Variants in NUP93 observed in about 807,000 individuals in gnomAD.
NUP93 encodes the protein nucleoporin 93.
NUP93 carries 55 observed loss-of-function variants against 107.8 expected under a neutral mutation model. The ratio of observed to expected loss-of-function variants is 0.51; its 90% CI spans 0.41 to 0.64. The LOEUF is 0.64. NUP93 is among the 30% of genes least tolerant of loss of function. The pLI, the probability that NUP93 is intolerant of heterozygous loss-of-function variation, is 0.00. For missense variants in NUP93, 937 were observed against 1,044.7 expected (o/e 0.90, Z 1.42); for synonymous variants, 390 against 397.5 (o/e 0.98, Z 0.22).
chr16:56,753,279 A>C (rs1961957091), intron 2 of NUP93, among the ~76,000 whole-genome samples: 1 of 152,226 alleles, frequency 6.6e-6, no homozygotes, highest in Admixed American at 6.5e-5. Flanking sequence ...TATTTCAGAT[A>C]GAGATAACCA....
intron 2 of NUP93, among the ~76,000 whole-genome samples, chr16:56,752,249 A>G (rs1961935247): frequency 6.6e-6 from 1 of 152,232 alleles, no homozygotes; most frequent in African/African-American, 2.4e-5. Flanking sequence ...TCCCAAGGAT[A>G]TACTGGTAAA....
intron 2 of NUP93, among the ~76,000 whole-genome samples, chr16:56,752,316 T>C (rs188365874): frequency 6.6e-6 from 1 of 152,208 alleles, no homozygotes; most frequent in African/African-American, 2.4e-5. Flanking sequence ...TTATTTGTAA[T>C]AGCAAAAATT....
intron 12 of NUP93, 31 bp from the exon 13 acceptor site, chr16:56,833,184 G>A (rs746573330): frequency 6.4e-7 from 1 of 1,566,418 alleles, no homozygotes; most frequent in Non-Finnish European, 8.6e-7. Context: ...TTCTAAGTTG[G>A]TTTTATCTCC....
chr16:56,805,452 GT>G (rs1397454655), intron 4 of NUP93, 51 bp from the exon 5 acceptor site: 10 of 1,602,668 alleles, frequency 6.2e-6, no homozygotes, highest in South Asian at 1.1e-5. Context: ...CTTAAACCAT[GT>G]TTTTTTTGTT....
chr16:56,754,061 AACTT>A (rs1362839547), intron 2 of NUP93, among the ~76,000 whole-genome samples: 1 of 152,064 alleles, frequency 6.6e-6, no homozygotes, highest in Non-Finnish European at 1.5e-5. Flanking sequence ...GGTCTTAGGA[AACTT>A]ACAATCATGG....
chr16:56,758,631 G>C lies in NUP93; in HGVS notation c.273G>C (p.Glu91Asp). 6.2e-7 allele frequency: 1 copy of C among 1,613,744 alleles called. No individual in the cohort carries two copies. The change falls in exon 3 of 22, where the codon GAG (glutamate) becomes GAC (aspartate). Residue 91 changes from glutamate (E) to aspartate (D), a missense_variant. Coordinates refer to ENST00000308159, the MANE Select transcript of NUP93 (RefSeq NM_014669.5). ...LSAATTFEPL[E>D]PVKDTDIQGF... ...CAGCCACCACCTTTGAGCCTCTTGA[G>C]CCTGTGAAGGACACTGACATTCAGG...
rs764833831 is a variant in NUP93 at position 56,830,623 on chromosome 16, C to G, written c.1023C>G (p.Ala341=). Residue 341 remains alanine (A), a synonymous_variant, in exon 10 of 22, where the codon GCC becomes GCG. Transcript: ENST00000308159. ...CCGCTTCACAGGTAGTTAATCGAGC[C>G]CAGCACCAGCTGGGAGAGTTTAAAA... The part of the protein sequence containing the change: ...LLAASQVVNR[A]QHQLGEFKTW... 1 of 1,610,006 alleles carries G rather than the reference C, an allele frequency of 6.2e-7. No individual in the cohort carries two copies. Among genetic ancestry groups the G allele is most frequent in the Admixed American group, 1.7e-5 (1 of 59,946 alleles).
intron 1 of NUP93, among the ~76,000 whole-genome samples, chr16:56,738,812 C>T (rs1411853735): frequency 6.6e-6 from 1 of 152,038 alleles, no homozygotes; most frequent in African/African-American, 2.4e-5. Context: ...AGGTTTTTCT[C>T]ATCAATCTTG....
At chr16:56,801,693 A>G (rs1963024663) in intron 4 of NUP93, among the ~76,000 whole-genome samples, 1 of 152,308 alleles carries the variant, frequency 6.6e-6, no homozygotes, top group East Asian at 1.9e-4. Flanking sequence ...GAAGCTCTTT[A>G]TCACACTAAT....
At chr16:56,774,305 G>T (rs1484911791) in intron 3 of NUP93, among the ~76,000 whole-genome samples, 1 of 152,178 alleles carries the variant, frequency 6.6e-6, no homozygotes, top group Non-Finnish European at 1.5e-5. Context: ...ATCAGTAGGA[G>T]CCAGGAGAGA....
chr16:56,829,590 G>T (rs1034168065), intron 9 of NUP93, among the ~76,000 whole-genome samples: 1 of 152,240 alleles, frequency 6.6e-6, no homozygotes, highest in South Asian at 2.1e-4. Context: ...GAGATTAGCT[G>T]CATAAAGAAG....
chr16:56,774,789 C>G (rs1333162068), intron 3 of NUP93, among the ~76,000 whole-genome samples: 1 of 152,072 alleles, frequency 6.6e-6, no homozygotes, highest in Non-Finnish European at 1.5e-5. Context: ...CCCAGTTGTT[C>G]TGACTCTAGC....
intron 3 of NUP93, among the ~76,000 whole-genome samples, chr16:56,771,985 A>G (rs1351759585): frequency 6.6e-6 from 1 of 152,028 alleles, no homozygotes; most frequent in African/African-American, 2.4e-5. Context: ...GCTGGATACC[A>G]CCTTCTCTGT....
chr16:56,799,857 G>A lies in NUP93; in HGVS notation c.360+1319G>A, dbSNP rs567900930. On this transcript the variant is annotated intron_variant, in intron 4 of 21. Coordinates refer to ENST00000308159, the MANE Select transcript of NUP93 (RefSeq NM_014669.5). ...TTTTATAAGGAAATGTTCCAAAGTC[G>A]TTATTTAAATGACTGATATGTTTAG... 3.3e-5 allele frequency among the ~76,000 whole-genome samples: 5 copies of A among 152,294 alleles called. No homozygotes were observed. In the South Asian group the frequency reaches 8.3e-4, roughly 25 times the overall value.
intron 3 of NUP93, chr16:56,782,064 C>T: frequency 2.0e-6 from 2 of 985,424 alleles, no homozygotes; most frequent in Non-Finnish European, 2.4e-6. Context: ...TGTCCTTCTC[C>T]CCACCCCCAT....
intron 4 of NUP93, among the ~76,000 whole-genome samples, chr16:56,799,631 A>G (rs998047304): frequency 9.9e-5 from 15 of 152,228 alleles, no homozygotes; most frequent in Non-Finnish European, 2.2e-4. Flanking sequence ...CAAAGGGTGT[A>G]GGCTTGAAGT....
intron 3 of NUP93, chr16:56,783,902 G>C (rs1403228194): frequency 2.0e-6 from 2 of 985,178 alleles, no homozygotes; most frequent in African/African-American, 3.5e-5. Context: ...ATATAGCAGG[G>C]AGAGGTTGAA....
At chr16:56,822,005 C>T (rs1389276289) in intron 7 of NUP93, among the ~76,000 whole-genome samples, 3 of 149,552 alleles carry the variant, frequency 2.0e-5, no homozygotes, top group Admixed American at 6.8e-5. Flanking sequence ...CTTTATATAC[C>T]ACTGGTTCTG....
In NUP93 at chr16:56,823,776, C is replaced by G. The variant is rs375417648; in HGVS notation, c.724C>G (p.Leu242Val). ...GTTGTTGACACCGGCAACGGATGCC[C>G]TGAAGAACCGCAGCAGCGTGGAAGT... ...DVLLTPATDA[L>V]KNRSSVEVRM... The change falls in exon 8 of 22, where the codon CTG (leucine) becomes GTG (valine). Residue 242 changes from leucine to valine, a missense_variant. Leu to Val is a conservative substitution (Grantham distance 32). Transcript: ENST00000308159. 1.4e-5 allele frequency: 22 copies of G among 1,614,054 alleles called. No homozygotes were observed. The African/African-American group carries it at 2.7e-4, about 20-fold the overall frequency.
Sources: allele counts gnomAD v4.1 joint callset (sites outside exome capture counted in the v4.1 genomes callset), GRCh38; gene constraint gnomAD v4.1.1; transcripts MANE v1.5; gene names NCBI Gene and HGNC (gene_info 2026-07-23, HGNC 2026-07-21).